Variants in SHISA9 observed in about 807,000 individuals in gnomAD.
SHISA9 encodes the protein shisa family member 9.
SHISA9 carries 13 observed loss-of-function variants against 38.0 expected under a neutral mutation model. The ratio of observed to expected loss-of-function variants is 0.34; its 90% confidence interval spans 0.22 to 0.54. The LOEUF is 0.54. Among genes scored for constraint, SHISA9 ranks in the 20% least tolerant of loss-of-function variants. The pLI is 0.91. For missense variants in SHISA9, 538 were observed against 575.8 expected, an observed-to-expected ratio of 0.93 and a Z score of 0.67; for synonymous variants, 275 against 242.0, an observed-to-expected ratio of 1.14 and a Z score of -1.27.
intron 2 of SHISA9, among the ~76,000 whole-genome samples, chr16:13,002,725 A>C (rs4238619): frequency 2.6e-5 from 4 of 151,416 alleles, no homozygotes; most frequent in Non-Finnish European, 4.4e-5. Context: ...TAGAGATGAG[A>C]TTTCATTACG....
At chr16:13,357,357 A>G in the SHISA9 span, among the ~76,000 whole-genome samples, 1 of 152,192 alleles carries the variant, frequency 6.6e-6, no homozygotes, top group Non-Finnish European at 1.5e-5. Context: ...TGTGGCGCTA[A>G]GATTGAAAGG....
chr16:13,424,353 T>C, the SHISA9 span, among the ~76,000 whole-genome samples: 2 of 152,248 alleles, frequency 1.3e-5, no homozygotes, highest in African/African-American at 4.8e-5. Context: ...ACTCCAATGT[T>C]GCCCACTTCT....
intron 2 of SHISA9, among the ~76,000 whole-genome samples, chr16:13,030,868 C>T (rs1482086604): frequency 1.3e-5 from 2 of 152,180 alleles, no homozygotes; most frequent in Admixed American, 6.5e-5. Flanking sequence ...CCTTCATGGC[C>T]AAAACGTGTG....
intron 2 of SHISA9, among the ~76,000 whole-genome samples, chr16:13,114,026 T>A (rs2074005250): frequency 6.6e-6 from 1 of 152,164 alleles, no homozygotes; most frequent in Non-Finnish European, 1.5e-5. Flanking sequence ...TTGTTACCTG[T>A]GATGGTTAAA....
the SHISA9 span, among the ~76,000 whole-genome samples, chr16:13,265,415 C>G: frequency 1.1e-5 from 1 of 88,630 alleles, no homozygotes; most frequent in East Asian, 3.6e-4. Flanking sequence ...TTCTCTCCTC[C>G]CCCCTCCCCT....
At chr16:13,399,935 A>G in the SHISA9 span, among the ~76,000 whole-genome samples, 3 of 152,284 alleles carry the variant, frequency 2.0e-5, no homozygotes, top group East Asian at 3.9e-4. Flanking sequence ...GGCTGTTATG[A>G]TGTTTACACC....
the SHISA9 span, among the ~76,000 whole-genome samples, chr16:13,526,862 C>T: frequency 1.3e-5 from 2 of 152,202 alleles, no homozygotes; most frequent in African/African-American, 2.4e-5. Context: ...CCCAAACGTA[C>T]ATCCATGGTG....
intron 2 of SHISA9, among the ~76,000 whole-genome samples, chr16:12,927,438 G>T (rs748778997): frequency 6.6e-6 from 1 of 152,056 alleles, no homozygotes; most frequent in Non-Finnish European, 1.5e-5. Context: ...TTGCTCTGCC[G>T]CCTAGGCTGG....
chr16:13,336,817 C>G, the SHISA9 span, among the ~76,000 whole-genome samples: 1 of 152,242 alleles, frequency 6.6e-6, no homozygotes, highest in South Asian at 2.1e-4. Context: ...GCTTTCCTCA[C>G]CTATAACACC....
chr16:13,399,784 T>C, the SHISA9 span, among the ~76,000 whole-genome samples: 4 of 152,200 alleles, frequency 2.6e-5, no homozygotes, highest in African/African-American at 9.7e-5. Flanking sequence ...TCTGATTCAG[T>C]AGGTCTGGAG....
chr16:13,395,018 C>G, the SHISA9 span, among the ~76,000 whole-genome samples: 1 of 149,548 alleles, frequency 6.7e-6, no homozygotes, highest in African/African-American at 2.4e-5. Flanking sequence ...CTTATGAAAT[C>G]CTAAGAAATT....
chr16:13,276,829 T>C, the SHISA9 span, among the ~76,000 whole-genome samples: 1 of 152,088 alleles, frequency 6.6e-6, no homozygotes, highest in Non-Finnish European at 1.5e-5. Context: ...TCTTTTCAGA[T>C]GTATAGATTG....
the SHISA9 span, among the ~76,000 whole-genome samples, chr16:13,329,913 C>T: frequency 6.6e-6 from 1 of 152,232 alleles, no homozygotes; most frequent in Non-Finnish European, 1.5e-5. Context: ...TGCAGTTCCT[C>T]AGATATCCAA....
At chr16:13,329,657 C>G in the SHISA9 span, among the ~76,000 whole-genome samples, 49 of 152,292 alleles carry the variant, frequency 3.2e-4, no homozygotes, top group Admixed American at 3.9e-4. Flanking sequence ...TGCATCTCCT[C>G]CATGCTAGGA....
the SHISA9 span, among the ~76,000 whole-genome samples, chr16:13,275,702 C>T: frequency 2.0e-5 from 3 of 152,002 alleles, no homozygotes; most frequent in East Asian, 1.9e-4. Context: ...CCAATAAAAT[C>T]ACCTTGGCTT....
Position 13,236,865 on chromosome 16 carries a change from C to G in SHISA9, c.*1456C>G, listed in dbSNP as rs2051390084. On this transcript the variant is annotated 3_prime_UTR_variant, in exon 5 of 5. Coordinates refer to ENST00000558583, the MANE Select transcript of SHISA9 (RefSeq NM_001145204.3). ...TCCCTCCAAATTACCTCCCCACATA[C>G]TTCATGTGTTCATCTCCCATCCAGA... is the stretch of plus-strand genomic sequence containing the variant. 1 of 152,202 alleles carries G rather than the reference C, an allele frequency of 6.6e-6. No homozygotes were observed. Among genetic ancestry groups the G allele is most frequent in the African/African-American group, 2.4e-5 (1 of 41,440 alleles). 9.4% of individuals were successfully genotyped at this position (152,202 alleles called of 1,614,324 possible). A position where few individuals can be genotyped will look rare whatever the true frequency, so the allele number is the denominator to read the frequency against.
intron 2 of SHISA9, among the ~76,000 whole-genome samples, chr16:13,099,583 G>C (rs1303994487): frequency 2.0e-5 from 3 of 152,048 alleles, no homozygotes; most frequent in Admixed American, 6.6e-5. Flanking sequence ...TCCAAGCAGA[G>C]GGACCAGCAA....
the SHISA9 span, among the ~76,000 whole-genome samples, chr16:13,449,185 A>G: frequency 1.3e-5 from 2 of 152,242 alleles, no homozygotes; most frequent in Admixed American, 6.5e-5. Flanking sequence ...AAAATAGAGT[A>G]TAAAATTAAA....
chr16:13,076,174 G>C (rs1236395122), intron 2 of SHISA9, among the ~76,000 whole-genome samples: 1 of 151,846 alleles, frequency 6.6e-6, no homozygotes, highest in East Asian at 1.9e-4. Flanking sequence ...GGGATTACAT[G>C]CATGCGCCAT....
Sources: allele counts gnomAD v4.1 joint callset (sites outside exome capture counted in the v4.1 genomes callset), GRCh38; gene constraint gnomAD v4.1.1; transcripts MANE v1.5; gene names NCBI Gene and HGNC (gene_info 2026-07-23, HGNC 2026-07-21).